The following MYO1G variants were observed in gnomAD, a reference collection of about 807,000 sequenced individuals.
MYO1G encodes unconventional myosin-Ig.
Under a neutral mutation model 115.3 loss-of-function variants are expected in MYO1G, and 65 were observed. The ratio of observed to expected loss-of-function variants is 0.56; its 90% CI spans 0.46 to 0.69. MYO1G has a LOEUF of 0.69. Among genes scored for constraint, MYO1G ranks in the 30% least tolerant of loss-of-function variants. The pLI, the probability that MYO1G is intolerant of heterozygous loss-of-function variation, is 0.00. For missense variants in MYO1G, 1,204 were observed against 1,393.5 expected, an observed-to-expected ratio of 0.86 and a Z score of 2.16; for synonymous variants, 510 against 552.6, an observed-to-expected ratio of 0.92 and a Z score of 1.08.
chr7:44,963,816 A>C lies in MYO1G; in HGVS notation c.2745+233T>G, dbSNP rs535104358. 1.2e-4 allele frequency: 65 copies of C among 538,774 alleles called. No individual in the cohort carries two copies. The African/African-American group carries it at 1.2e-3, about 10-fold the overall frequency. The allele number at this position is 538,774 out of a possible 1,614,324, so 33.4% of individuals were successfully genotyped here. ...GACCATTTGGCTTGGCTAGAGTGTG[A>C]GAGTGGGGGTGGGGGGTGACTGGGC... On this transcript the variant is annotated intron_variant, in intron 20 of 21. Coordinates refer to ENST00000258787, the MANE Select transcript of MYO1G (RefSeq NM_033054.3). This position sits in a 1 kb window ranked among gnomAD's most constrained non-coding sequence, Gnocchi z 4.1.
chr7:44,963,136 G>A lies in MYO1G; in HGVS notation c.2746-12C>T. The A allele has an allele frequency of 1.4e-6, 2 of 1,442,788 alleles. No individual in the cohort carries two copies. Among genetic ancestry groups the A allele is most frequent in the Non-Finnish European group, 1.8e-6 (2 of 1,102,126 alleles). The allele number at this position is 1,442,788 out of a possible 1,614,324, so 89.4% of individuals were successfully genotyped here. A position where few individuals can be genotyped will look rare whatever the true frequency, so the allele number is the denominator to read the frequency against. The stretch of plus-strand genomic sequence containing the variant: ...CTCAGCCCCGTCACCTGAGCGGAGC[G>A]CGGGGTCAGAGTGCAGCCGCCTCAA... On this transcript the variant is annotated splice_polypyrimidine_tract_variant and intron_variant, in intron 20 of 21. Coordinates refer to ENST00000258787, the MANE Select transcript of MYO1G (RefSeq NM_033054.3). This position sits in a 1 kb window ranked among gnomAD's most constrained non-coding sequence, Gnocchi z 4.1.
At chr7:44,965,913 C>A in intron 16 of MYO1G, 53 bp from the exon 17 acceptor site, 3 of 1,572,928 alleles carry the variant, frequency 1.9e-6, no homozygotes, top group East Asian at 2.2e-5. Context: ...CAGGCCCTAA[C>A]CCTTAGACCC....
At position 44,970,755 on chromosome 7, in the gene MYO1G, C is replaced by A; in HGVS notation, c.1072-18G>T. 6.2e-7 allele frequency: 1 copy of A among 1,613,674 alleles called. No homozygotes were observed. Among genetic ancestry groups the A allele is most frequent in the South Asian group, 1.1e-5 (1 of 91,082 alleles). Reference sequence around the variant, plus strand: ...TACACTGCCTGGGGGATAGGAACACCCTGCTTCCTGCTGCCTCTGGCCTGG... The same window carrying A: ...TACACTGCCTGGGGGATAGGAACACACTGCTTCCTGCTGCCTCTGGCCTGG... On this transcript the variant is annotated intron_variant, in intron 8 of 21. Transcript: ENST00000258787.
rs1200123103 is a variant in MYO1G, at chr7:44,975,481, C to A, written c.564+3G>T. ...TGGAGGTCTCCTCAGCCCACCTGCCCACCTTCTCCAGTAGGTAGCTGTGGA... is the reference window on the plus strand; with the variant it reads ...TGGAGGTCTCCTCAGCCCACCTGCCAACCTTCTCCAGTAGGTAGCTGTGGA... On this transcript the variant is annotated splice_donor_region_variant and intron_variant, in intron 4 of 21. Transcript: ENST00000258787. The A allele has an allele frequency of 6.9e-6, 11 of 1,605,210 alleles. No individual in the cohort carries two copies. Among genetic ancestry groups the A allele is most frequent in the Non-Finnish European group, 9.4e-6 (11 of 1,174,204 alleles).
intron 5 of MYO1G, chr7:44,973,556 C>T (rs1794997506): frequency 6.6e-6 from 1 of 151,652 alleles, no homozygotes; most frequent in Admixed American, 6.6e-5. Flanking sequence ...CATGGGAGTT[C>T]AGAGTCTGAA....
Position 44,964,503 on chromosome 7 carries a change from G to A in MYO1G, c.2543C>T (p.Thr848Ile), listed in dbSNP as rs774029585. ...TCGCTGAGCAAACAGGCTTGATGCT[G>A]TGGGATTGTCAGTGGCCTGAGGACA... ...DYLSSATDNP[T>I]ASSLFAQRLK... The change falls in exon 19 of 22, where the codon ACA becomes ATA. Residue 848 changes from threonine to isoleucine, a missense_variant. Coordinates refer to ENST00000258787, the MANE Select transcript of MYO1G (RefSeq NM_033054.3). The surrounding 1 kb of genome is among the most constrained non-coding windows in gnomAD (Gnocchi z 5.1). The A allele has an allele frequency of 2.5e-6, 4 of 1,613,808 alleles. No individual in the cohort carries two copies. Among genetic ancestry groups the A allele is most frequent in the Admixed American group, 3.3e-5 (2 of 60,000 alleles).
chr7:44,970,758 G>A, intron 8 of MYO1G, 21 bp from the exon 9 acceptor site: 1 of 1,613,592 alleles, frequency 6.2e-7, no homozygotes, highest in Non-Finnish European at 8.5e-7. Flanking sequence ...GGAACACCCT[G>A]CTTCCTGCTG....
Position 44,971,056 on chromosome 7 carries a change from T to G in MYO1G, c.850A>C (p.Asn284His). Reference protein sequence around the residue: ...RILAAILHLGNIEFVETEEGG... With the variant: ...RILAAILHLGHIEFVETEEGG... Reference sequence around the variant, plus strand: ...TCCTCCGTCTCCACAAACTCGATGTTTCCCTGGTGATGGGAAAACCATGAA... The same window carrying G: ...TCCTCCGTCTCCACAAACTCGATGTGTCCCTGGTGATGGGAAAACCATGAA... The change falls in exon 8 of 22, where the codon AAC becomes CAC. Residue 284 changes from asparagine to histidine, a missense_variant. Coordinates refer to ENST00000258787, the MANE Select transcript of MYO1G (RefSeq NM_033054.3). 6.2e-7 allele frequency: 1 copy of G among 1,609,072 alleles called. No homozygotes were observed. Among genetic ancestry groups the G allele is most frequent in the Non-Finnish European group, 8.5e-7 (1 of 1,178,306 alleles).
chr7:44,978,851 C>T lies in MYO1G; in HGVS notation c.95+16G>A, dbSNP rs1562835964. On this transcript the variant is annotated intron_variant, in intron 1 of 21. Transcript: ENST00000258787. ...CCCTGGAGGAGGGGAGCCACTGCCT[C>T]CTGCCCTGGGCCTACCTGAGCTGCA... is the stretch of plus-strand genomic sequence containing the variant. 4 of 1,612,580 alleles carry T rather than the reference C, an allele frequency of 2.5e-6. No homozygotes were observed. Among genetic ancestry groups the T allele is most frequent in the Non-Finnish European group, 3.4e-6 (4 of 1,178,610 alleles).
intron 17 of MYO1G, 121 bp from the exon 18 acceptor site, chr7:44,965,210 T>C: frequency 2.9e-6 from 4 of 1,396,370 alleles, no homozygotes; most frequent in East Asian, 2.4e-5. Context: ...TGTCCCAACC[T>C]CTGCCGGCCT....
In MYO1G at chr7:44,966,838, C is replaced by T. The variant is rs765921852; in HGVS notation, c.1783G>A (p.Glu595Lys). 6.2e-7 allele frequency: 1 copy of T among 1,602,790 alleles called. No individual in the cohort carries two copies. The highest frequency in any genetic ancestry group is 1.7e-5 in the Admixed American group (1 of 59,400). The part of the protein sequence containing the change: ...VALVENLASK[E>K]PFYVRCIKPN... ...TTGATGCAGCGGACGTAGAAGGGCT[C>T]CTGCAGGGACAGAGGGGACTTGGAG... The change falls in exon 15 of 22, where the codon GAG becomes AAG. Residue 595 changes from glutamate (E) to lysine (K), a missense_variant and splice_region_variant. Physicochemically the swap from Glu to Lys is moderately conservative, Grantham distance 56. Coordinates refer to ENST00000258787, the MANE Select transcript of MYO1G (RefSeq NM_033054.3). This position sits in a 1 kb window ranked among gnomAD's most constrained non-coding sequence, Gnocchi z 5.0.
At position 44,970,145 on chromosome 7, in the gene MYO1G, C is replaced by A; in HGVS notation, c.1227G>T (p.Gln409His). The A allele has an allele frequency of 6.2e-7, 1 of 1,612,860 alleles. No homozygotes were observed. The highest frequency in any genetic ancestry group is 8.5e-7 in the Non-Finnish European group (1 of 1,179,120). ...FEVFPVNSFEQFCINYCNEKL... is the reference protein window; with the variant it reads ...FEVFPVNSFEHFCINYCNEKL... ...TCTCGTTGCAGTAGTTGATGCAGAA[C>A]TGCTCGAAACTGGGGGTGGGGTGGG... Residue 409 changes from glutamine to histidine, a missense_variant, in exon 10 of 22, where the codon CAG (glutamine) becomes CAT (histidine). Physicochemically the swap from Gln to His is conservative, Grantham distance 24 (BLOSUM62 0). Transcript: ENST00000258787.
At position 44,969,263 on chromosome 7, in the gene MYO1G, C is replaced by A; in HGVS notation, c.1574+150G>T. 1.4e-6 allele frequency: 1 copy of A among 726,794 alleles called. No individual in the cohort carries two copies. The highest frequency in any genetic ancestry group is 2.5e-6 in the Non-Finnish European group (1 of 400,670). The allele number at this position is 726,794 out of a possible 1,614,324, so 45.0% of individuals were successfully genotyped here. On this transcript the variant is annotated intron_variant, in intron 12 of 21. Coordinates refer to ENST00000258787, the MANE Select transcript of MYO1G (RefSeq NM_033054.3). The surrounding 1 kb of genome is among the most constrained non-coding windows in gnomAD (Gnocchi z 5.0). ...GCTCTTCACTTGTGAATCTGCTGTC[C>A]GGCATGTTTCAGTGTCTTAAAGGGG...
At position 44,969,683 on chromosome 7, in the gene MYO1G, G is replaced by C; in HGVS notation, c.1503+22C>G. The C allele has an allele frequency of 6.2e-7, 1 of 1,609,176 alleles. No individual in the cohort carries two copies. ...CAGGTCCCACCAGCCCACTGTGGTG[G>C]CACTGGGACAGCCGGGGGCACCTGG... On this transcript the variant is annotated intron_variant, in intron 11 of 21. Transcript: ENST00000258787. This position sits in a 1 kb window ranked among gnomAD's most constrained non-coding sequence, Gnocchi z 5.0.
Position 44,977,055 on chromosome 7 carries a change from T to A in MYO1G, c.112A>T (p.Ile38Phe). The change falls in exon 2 of 22, where the codon ATC becomes TTC. Residue 38 changes from isoleucine (I) to phenylalanine (F), a missense_variant. Coordinates refer to ENST00000258787, the MANE Select transcript of MYO1G (RefSeq NM_033054.3). ...AGCACCTCACCGATGTAGGTGTAGA[T>A]GCGGCCCTTCTCGAACCTGGACACA... ...NLQLRFEKGR[I>F]YTYIGEVLVS... 6.2e-7 allele frequency: 1 copy of A among 1,613,250 alleles called. No individual in the cohort carries two copies. The highest frequency in any genetic ancestry group is 8.5e-7 in the Non-Finnish European group (1 of 1,179,940).
chr7:44,975,516 C>T lies in MYO1G; in HGVS notation c.532G>A (p.Gly178Arg), dbSNP rs758703751. Residue 178 changes from glycine (G) to arginine (R), a missense_variant, in exon 4 of 22, where the codon GGA becomes AGA. By Grantham distance (125) the Gly-to-Arg change is moderately radical. Coordinates refer to ENST00000258787, the MANE Select transcript of MYO1G (RefSeq NM_033054.3). ...AGTAGGTAGCTGTGGATGTGTCCTCCGATCGGGTCCCCCTTGAAGTCAAAG... is the reference window on the plus strand; with the variant it reads ...AGTAGGTAGCTGTGGATGTGTCCTCTGATCGGGTCCCCCTTGAAGTCAAAG... The part of the protein sequence containing the change: ...INFDFKGDPI[G>R]GHIHSYLLEK... The T allele has an allele frequency of 3.8e-5, 62 of 1,613,284 alleles. No homozygotes were observed. The highest frequency in any genetic ancestry group is 2.6e-5 in the Non-Finnish European group (31 of 1,179,586).
chr7:44,976,690 C>T (rs1292632563), intron 2 of MYO1G, 33 bp from the exon 3 acceptor site: 6 of 1,613,146 alleles, frequency 3.7e-6, no homozygotes, highest in South Asian at 3.3e-5. Flanking sequence ...GAGAATCAGC[C>T]AGGTTCGCTC....
intron 7 of MYO1G, 53 bp downstream of exon 7, chr7:44,971,620 C>A (rs147537694): frequency 2.9e-6 from 4 of 1,380,554 alleles, no homozygotes; most frequent in East Asian, 2.5e-5. Context: ...TGCTTCCCAG[C>A]CAGGAAACCC....
chr7:44,965,266 ACC>A (rs764155098), intron 17 of MYO1G, among the ~76,000 whole-genome samples, 177 bp from the exon 18 acceptor site: 8 of 152,204 alleles, frequency 5.3e-5, no homozygotes, highest in Non-Finnish European at 1.0e-4. Flanking sequence ...CTGGAAGGTG[ACC>A]CAGGGACCAG....
Sources: gnomAD v4.1 joint callset for allele counts (sites outside exome capture counted in the v4.1 genomes callset) on GRCh38, gnomAD v4.1.1 for gene constraint, Gnocchi (gnomAD v3.1) non-coding constraint, MANE v1.5 for transcripts, NCBI Gene and HGNC (gene_info 2026-07-23, HGNC 2026-07-21) for gene names.